Variants in ST18 observed in about 807,000 individuals in gnomAD.
ST18 encodes the protein suppression of tumorigenicity 18 protein.
In ST18, 50 loss-of-function variants were observed where a neutral mutation model predicts 110.0. That is an observed-to-expected ratio of 0.45 (90% CI 0.36 to 0.58). ST18 has a LOEUF of 0.58. ST18 is among the 20% of genes least tolerant of loss of function. The pLI is 0.00. For missense variants in ST18, 1,306 were observed against 1,280.1 expected (o/e 1.02, Z -0.31); for synonymous variants, 461 against 452.4 (o/e 1.02, Z -0.24).
intron 2 of ST18, among the ~76,000 whole-genome samples, chr8:52,277,956 T>A (rs1379566670): frequency 6.6e-6 from 1 of 152,008 alleles, no homozygotes; most frequent in Admixed American, 6.6e-5. Flanking sequence ...GTAATTGGAG[T>A]CAACAGGACA....
At chr8:52,331,469 A>T (rs1447483005) in intron 2 of ST18, among the ~76,000 whole-genome samples, 1 of 152,176 alleles carries the variant, frequency 6.6e-6, no homozygotes, top group Non-Finnish European at 1.5e-5. Context: ...ATGCACACAT[A>T]CACAAGTAAC....
At chr8:52,292,379 GTA>G (rs2095569469) in intron 2 of ST18, among the ~76,000 whole-genome samples, 1 of 151,892 alleles carries the variant, frequency 6.6e-6, no homozygotes, top group African/African-American at 2.4e-5. Flanking sequence ...GTGCATGCAT[GTA>G]TGTGTGTGTG....
At chr8:52,326,060 A>G (rs749991440) in intron 2 of ST18, among the ~76,000 whole-genome samples, 6 of 152,242 alleles carry the variant, frequency 3.9e-5, no homozygotes, top group Non-Finnish European at 7.3e-5. Flanking sequence ...ATAGTTAACT[A>G]CAAGTTATAG....
chr8:52,191,056 T>G (rs1287908477), intron 8 of ST18, among the ~76,000 whole-genome samples: 2 of 152,192 alleles, frequency 1.3e-5, no homozygotes, highest in East Asian at 3.9e-4. Context: ...CACTTGGGAC[T>G]ACTGCTCTGA....
At chr8:52,348,996 C>T (rs906138030) in intron 2 of ST18, among the ~76,000 whole-genome samples, 2 of 152,124 alleles carry the variant, frequency 1.3e-5, no homozygotes, top group African/African-American at 4.8e-5. Flanking sequence ...AACATCTCCC[C>T]CATGCCCAAC....
chr8:52,319,018 A>C (rs954124858), intron 2 of ST18, among the ~76,000 whole-genome samples: 1 of 152,072 alleles, frequency 6.6e-6, no homozygotes, highest in African/African-American at 2.4e-5. Context: ...TGTGCAGCAA[A>C]CCACCATGGC....
chr8:52,208,566 C>T (rs2080963366), intron 8 of ST18, among the ~76,000 whole-genome samples: 1 of 152,246 alleles, frequency 6.6e-6, no homozygotes, highest in African/African-American at 2.4e-5. Flanking sequence ...GTGGCTCACG[C>T]CTGTAATCCC....
intron 17 of ST18, among the ~76,000 whole-genome samples, chr8:52,139,096 GA>G (rs143471432): frequency 0.062 from 9,294 of 150,886 alleles, 631 homozygotes; most frequent in African/African-American, 0.17. Context: ...TAAGATAACA[GA>G]AAAAAAACTA....
At chr8:52,337,393 G>T (rs1812650915) in intron 2 of ST18, among the ~76,000 whole-genome samples, 1 of 152,220 alleles carries the variant, frequency 6.6e-6, no homozygotes, top group African/African-American at 2.4e-5. Flanking sequence ...GTCTACTAGT[G>T]AGTGGAAACT....
intron 2 of ST18, among the ~76,000 whole-genome samples, chr8:52,385,323 C>A (rs188084759): frequency 6.6e-6 from 1 of 152,132 alleles, no homozygotes; most frequent in East Asian, 1.9e-4. Context: ...AACGACAAAG[C>A]ACACATAAGA....
chr8:52,189,491 C>A (rs149582864), intron 8 of ST18, among the ~76,000 whole-genome samples: 2 of 152,306 alleles, frequency 1.3e-5, no homozygotes, highest in African/African-American at 4.8e-5. Flanking sequence ...GGAAACCCAT[C>A]CCAATGAAAA....
At chr8:52,386,182 A>G (rs973837840) in intron 2 of ST18, among the ~76,000 whole-genome samples, 1 of 152,262 alleles carries the variant, frequency 6.6e-6, no homozygotes, top group Admixed American at 6.5e-5. Context: ...TCAGACAGTC[A>G]TTGAAAATTA....
intron 14 of ST18, among the ~76,000 whole-genome samples, chr8:52,160,156 G>T (rs1021815511): frequency 6.6e-6 from 1 of 152,122 alleles, no homozygotes; most frequent in African/African-American, 2.4e-5. Flanking sequence ...AAACATATAT[G>T]TATGTACGTA....
At chr8:52,273,322 T>G (rs1263376302) in intron 2 of ST18, among the ~76,000 whole-genome samples, 1 of 152,166 alleles carries the variant, frequency 6.6e-6, no homozygotes, top group Non-Finnish European at 1.5e-5. Flanking sequence ...TAAATTAAAT[T>G]TGAATAAGAA....
intron 2 of ST18, among the ~76,000 whole-genome samples, chr8:52,319,337 A>G (rs1564486100): frequency 6.6e-6 from 1 of 152,136 alleles, no homozygotes. Flanking sequence ...CTAAATCATT[A>G]TAGGTTTTTG....
chr8:52,196,157 T>C (rs1210934604), intron 8 of ST18, among the ~76,000 whole-genome samples: 1 of 152,172 alleles, frequency 6.6e-6, no homozygotes. Flanking sequence ...GGGCAGAGGA[T>C]AGGATTGGGA....
chr8:52,256,803 T>C (rs1488416352), intron 2 of ST18, among the ~76,000 whole-genome samples: 2 of 152,184 alleles, frequency 1.3e-5, no homozygotes, highest in Non-Finnish European at 2.9e-5. Context: ...ATAAATGACA[T>C]ACCATACTAT....
chr8:52,144,315 T>C (rs2056413338), intron 16 of ST18, among the ~76,000 whole-genome samples: 1 of 152,118 alleles, frequency 6.6e-6, no homozygotes, highest in African/African-American at 2.4e-5. Context: ...GTAAACTATT[T>C]TGAATCGTTC....
chr8:52,367,142 G>A (rs1412841584), intron 2 of ST18, among the ~76,000 whole-genome samples: 1 of 151,994 alleles, frequency 6.6e-6, no homozygotes, highest in Non-Finnish European at 1.5e-5. Context: ...TGAGGCACCA[G>A]AATCGCTTGA....
Sources: gnomAD v4.1 joint callset for allele counts (sites outside exome capture counted in the v4.1 genomes callset) on GRCh38, gnomAD v4.1.1 for gene constraint, MANE v1.5 for transcripts, NCBI Gene and HGNC (gene_info 2026-07-23, HGNC 2026-07-21) for gene names.